Variants in C19orf47 observed in about 807,000 individuals in gnomAD.
C19orf47 encodes uncharacterized protein C19orf47.
Under a neutral mutation model 32.3 loss-of-function variants are expected in C19orf47, and 18 were observed. That is an observed-to-expected ratio of 0.56 (90% CI 0.39 to 0.83). The LOEUF (loss-of-function observed/expected upper bound fraction) is 0.83. C19orf47 is among the 40% of genes least tolerant of loss of function. C19orf47 has a pLI of 0.00. For synonymous variants in C19orf47, 202 were observed against 211.1 expected, an observed-to-expected ratio of 0.96 and a Z score of 0.37; for missense variants, 484 against 531.6, an observed-to-expected ratio of 0.91 and a Z score of 0.88.
At chr19:40,337,057 T>TA (rs1353253392) in intron 2 of C19orf47, among the ~76,000 whole-genome samples, 1 of 152,162 alleles carries the variant, frequency 6.6e-6, no homozygotes, top group African/African-American at 2.4e-5. Flanking sequence ...TCTGTAAACC[T>TA]GGGATAACAG....
chr19:40,304,586 AC>A, the C19orf47 span, among the ~76,000 whole-genome samples: 1 of 152,116 alleles, frequency 6.6e-6, no homozygotes, highest in Non-Finnish European at 1.5e-5. Flanking sequence ...AATTTAGGTC[AC>A]CACCACCTCC....
intron 4 of C19orf47, among the ~76,000 whole-genome samples, chr19:40,335,601 A>C (rs12151335): frequency 0.41 from 61,869 of 150,404 alleles, 13,536 homozygotes; most frequent in South Asian, 0.61. Context: ...TACAACCACC[A>C]TTCAAGATTT....
intron 5 of C19orf47, among the ~76,000 whole-genome samples, chr19:40,332,224 G>A (rs2077968613): frequency 6.6e-6 from 1 of 152,080 alleles, no homozygotes; most frequent in Admixed American, 6.6e-5. Context: ...TGGGCATGGT[G>A]GCACACACAT....
the C19orf47 span, among the ~76,000 whole-genome samples, chr19:40,308,688 T>G: frequency 1.3e-5 from 2 of 151,304 alleles, no homozygotes; most frequent in Admixed American, 1.3e-4. Flanking sequence ...GGTCTCAAAC[T>G]CCTCACCTCA....
At chr19:40,342,790 C>T (rs996348479) in intron 1 of C19orf47, among the ~76,000 whole-genome samples, 2 of 152,150 alleles carry the variant, frequency 1.3e-5, no homozygotes, top group African/African-American at 4.8e-5. Context: ...GCAAGTCCAG[C>T]GCCCTGAGCC....
intron 5 of C19orf47, among the ~76,000 whole-genome samples, chr19:40,330,332 C>G (rs1449691028): frequency 6.6e-6 from 1 of 151,746 alleles, no homozygotes; most frequent in Non-Finnish European, 1.5e-5. Flanking sequence ...AGGTTCACAC[C>G]ATTCTCGTGC....
At position 40,321,855 on chromosome 19, in the gene C19orf47, G is replaced by T; in HGVS notation, c.*27C>A. The T allele has an allele frequency of 6.6e-7, 1 of 1,525,536 alleles. No homozygotes were observed. The allele number at this position is 1,525,536 out of a possible 1,614,324, so 94.5% of individuals were successfully genotyped here. On this transcript the variant is annotated 3_prime_UTR_variant, in exon 9 of 9. Coordinates refer to ENST00000683109, the MANE Select transcript of C19orf47 (RefSeq NM_001256441.2). ...GCCAGGGCAGATGCCCGCAGGCTCTGCTGCCTGCACCCCGCCCACAGGTGG... is the reference window on the plus strand; with the variant it reads ...GCCAGGGCAGATGCCCGCAGGCTCTTCTGCCTGCACCCCGCCCACAGGTGG...
intron 8 of C19orf47, among the ~76,000 whole-genome samples, chr19:40,323,432 C>T (rs1279211787): frequency 6.6e-6 from 1 of 152,214 alleles, no homozygotes; most frequent in Non-Finnish European, 1.5e-5. Flanking sequence ...GAGCTACACA[C>T]CAGGCCTGGG....
rs375782762 is a variant in C19orf47, at chr19:40,322,368, T to A, written c.672A>T (p.Gly224=). 1.9e-6 allele frequency: 3 copies of A among 1,581,794 alleles called. No homozygotes were observed. Among genetic ancestry groups the A allele is most frequent in the South Asian group, 1.1e-5 (1 of 88,254 alleles). The change falls in exon 9 of 9, where the codon GGA becomes GGT. Residue 224 remains glycine, a synonymous_variant. Coordinates refer to ENST00000683109, the MANE Select transcript of C19orf47 (RefSeq NM_001256441.2). ...GGGTGGCCCCCAGGCGGCTGAAGAC[T>A]CCTGTGGGCTGTGGAGGTCAGAGAC... ...ADTTTGSKPT[G]VFSRLGATPE... is the part of the protein sequence containing the mutation.
chr19:40,316,714 C>T (rs2077664415), downstream of C19orf47, among the ~76,000 whole-genome samples: 4 of 152,180 alleles, frequency 2.6e-5, no homozygotes, highest in Admixed American at 2.6e-4. Context: ...TAGTTCAGAT[C>T]TGCAACGGAC....
the C19orf47 span, among the ~76,000 whole-genome samples, chr19:40,306,428 A>G: frequency 3.3e-5 from 5 of 152,002 alleles, no homozygotes; most frequent in Non-Finnish European, 7.4e-5. Context: ...TCTGAGACCA[A>G]GTCTCACTCT....
chr19:40,321,473 A>C lies in C19orf47; in HGVS notation c.*409T>G. The C allele has an allele frequency of 9.9e-7, 1 of 1,011,840 alleles. No individual in the cohort carries two copies. The highest frequency in any genetic ancestry group is 1.2e-6 in the Non-Finnish European group (1 of 846,112). 62.7% of individuals were successfully genotyped at this position (1,011,840 alleles called of 1,614,324 possible). ...AGGTCAGTGGGGAGTGGGGGAAGGG[A>C]GGCCCACCAGGTGACACCCACTTAG... On this transcript the variant is annotated 3_prime_UTR_variant, in exon 9 of 9. Coordinates refer to ENST00000683109, the MANE Select transcript of C19orf47 (RefSeq NM_001256441.2).
chr19:40,310,848 C>A, the C19orf47 span, among the ~76,000 whole-genome samples: 1 of 152,032 alleles, frequency 6.6e-6, no homozygotes, highest in Non-Finnish European at 1.5e-5. Context: ...ACTGACGGAT[C>A]CAGAGTAGAA....
In C19orf47 at chr19:40,348,373, C is replaced by G; in HGVS notation, c.-83G>C. ...TCGCGCCGCCCGCCCTCCCTCCCGG[C>G]GGCGCCAACTGTCAGACACTCCTCC... On this transcript the variant is annotated 5_prime_UTR_variant, in exon 1 of 9. Transcript: ENST00000683109. The G allele has an allele frequency of 2.1e-6, 3 of 1,411,096 alleles. No homozygotes were observed. Among genetic ancestry groups the G allele is most frequent in the Admixed American group, 3.0e-5 (1 of 32,900 alleles). 87.4% of individuals were successfully genotyped at this position (1,411,096 alleles called of 1,614,324 possible).
At chr19:40,316,500 A>C (rs2077663063), downstream of C19orf47, among the ~76,000 whole-genome samples, 1 of 152,166 alleles carries the variant, frequency 6.6e-6, no homozygotes, top group Non-Finnish European at 1.5e-5. Flanking sequence ...AGGATTCGAC[A>C]AGTCCAACAA....
intron 5 of C19orf47, among the ~76,000 whole-genome samples, chr19:40,329,752 G>A (rs2077910198): frequency 6.6e-6 from 1 of 152,144 alleles, no homozygotes; most frequent in South Asian, 2.1e-4. Flanking sequence ...CAGGTTGGAT[G>A]GGTGGCTTTA....
At chr19:40,294,336 T>C in the C19orf47 span, among the ~76,000 whole-genome samples, 1 of 152,206 alleles carries the variant, frequency 6.6e-6, no homozygotes, top group African/African-American at 2.4e-5. Flanking sequence ...AGGGTCTCTT[T>C]GTCTTTTTCC....
At chr19:40,294,759 CCAGT>C in the C19orf47 span, among the ~76,000 whole-genome samples, 1 of 152,226 alleles carries the variant, frequency 6.6e-6, no homozygotes, top group East Asian at 1.9e-4. Flanking sequence ...TGTCAGCCAG[CCAGT>C]CAAATAGGCT....
intron 8 of C19orf47, 81 bp downstream of exon 8, chr19:40,323,925 A>G: frequency 1.3e-6 from 2 of 1,542,416 alleles, no homozygotes; most frequent in Non-Finnish European, 1.8e-6. Flanking sequence ...AGTGAGGTTG[A>G]GATGTGTTAA....
Sources: allele counts gnomAD v4.1 joint callset (sites outside exome capture counted in the v4.1 genomes callset), GRCh38; gene constraint gnomAD v4.1.1; transcripts MANE v1.5; gene names NCBI Gene and HGNC (gene_info 2026-07-23, HGNC 2026-07-21).